PDE4D: variants seen among roughly 807,000 people sequenced by gnomAD.
PDE4D encodes the protein 3',5'-cyclic-AMP phosphodiesterase 4D.
A neutral mutation model predicts 87.4 loss-of-function variants in PDE4D; 24 were observed. That is an observed-to-expected ratio of 0.27 (90% CI 0.20 to 0.39). PDE4D has a LOEUF of 0.39. Ranked by LOEUF, PDE4D falls within the 10% of genes least tolerant of loss-of-function variation. PDE4D has a pLI of 1.00. For synonymous variants in PDE4D, 384 were observed against 383.2 expected (o/e 1.00, Z -0.02); for missense variants, 714 against 1,041.0 (o/e 0.69, Z 4.32).
chr5:59,278,435 G>A (rs955647282), intron 1 of PDE4D, among the ~76,000 whole-genome samples: 2 of 152,060 alleles, frequency 1.3e-5, no homozygotes, highest in African/African-American at 2.4e-5. Context: ...CTGTTGTACT[G>A]AATTGTATAA....
intron 1 of PDE4D, among the ~76,000 whole-genome samples, chr5:59,682,748 G>A (rs1675022351): frequency 6.6e-6 from 1 of 152,006 alleles, no homozygotes; most frequent in Non-Finnish European, 1.5e-5. Flanking sequence ...CAGATCATGG[G>A]ATTTCTCAGC....
chr5:60,200,317 T>C lies in PDE4D; in HGVS notation c.-89-14630A>G, dbSNP rs969778397. Among the ~76,000 whole-genome samples, 133 of 151,626 alleles carry C rather than the reference T, an allele frequency of 8.8e-4. 4 individuals are homozygous for C. The highest frequency in any genetic ancestry group is 3.0e-3 in the African/African-American group (126 of 41,404). On this transcript the variant is annotated intron_variant, in intron 1 of 16. Transcript: ENST00000502484. ...ATAAATCCAGGATATGTATGTTTTC[T>C]CCTGCACCCAGAAGTTATTTTATGT...
At chr5:59,200,112 C>CAAT (rs1561688929) in intron 2 of PDE4D, among the ~76,000 whole-genome samples, 3 of 147,268 alleles carry the variant, frequency 2.0e-5, no homozygotes, top group Non-Finnish European at 4.4e-5. Flanking sequence ...TGTATGCACA[C>CAAT]ACATACATGC....
intron 2 of PDE4D, among the ~76,000 whole-genome samples, chr5:59,198,334 T>C (rs1247948169): frequency 6.6e-5 from 10 of 152,320 alleles, no homozygotes; most frequent in African/African-American, 2.2e-4. Context: ...TATGCACACA[T>C]GTATACATGT....
intron 1 of PDE4D, among the ~76,000 whole-genome samples, chr5:60,346,078 T>C (rs1758725644): frequency 6.6e-6 from 1 of 152,184 alleles, no homozygotes; most frequent in South Asian, 2.1e-4. Flanking sequence ...CTTCTACTTA[T>C]TTTATTTGGG....
At chr5:59,406,969 T>A (rs1024495125) in intron 1 of PDE4D, among the ~76,000 whole-genome samples, 3 of 152,210 alleles carry the variant, frequency 2.0e-5, no homozygotes, top group African/African-American at 7.2e-5. Context: ...GAGACTTGGC[T>A]ATCTATTCAT....
chr5:59,757,531 T>C (rs968234272), intron 1 of PDE4D, among the ~76,000 whole-genome samples: 3 of 152,106 alleles, frequency 2.0e-5, no homozygotes, highest in African/African-American at 4.8e-5. Context: ...TGGAAGGATA[T>C]TGTTTTGAGG....
intron 1 of PDE4D, among the ~76,000 whole-genome samples, chr5:60,278,397 T>G (rs1257531118): frequency 6.6e-6 from 1 of 152,150 alleles, no homozygotes; most frequent in East Asian, 1.9e-4. Context: ...TTTCTTTGGG[T>G]TTATCCTGTT....
intron 1 of PDE4D, among the ~76,000 whole-genome samples, chr5:59,796,166 C>G (rs538008160): frequency 6.6e-6 from 1 of 152,094 alleles, no homozygotes; most frequent in African/African-American, 2.4e-5. Context: ...GTCAAAAGAT[C>G]AGGGAGGAAG....
intron 1 of PDE4D, among the ~76,000 whole-genome samples, chr5:59,348,573 ATTTC>A (rs895091498): frequency 5.7e-5 from 8 of 139,280 alleles, no homozygotes; most frequent in Non-Finnish European, 9.3e-5. Flanking sequence ...TATAGAGTTT[ATTTC>A]TTTAGCTCAA....
intron 1 of PDE4D, among the ~76,000 whole-genome samples, chr5:59,326,557 T>C (rs1393779041): frequency 6.6e-6 from 1 of 152,124 alleles, no homozygotes; most frequent in Non-Finnish European, 1.5e-5. Flanking sequence ...ATAATTTCAC[T>C]GACTTTTAAA....
At chr5:60,474,086 C>G (rs1748077931) in intron 1 of PDE4D, among the ~76,000 whole-genome samples, 1 of 124,918 alleles carries the variant, frequency 8.0e-6, no homozygotes, top group East Asian at 2.6e-4. Flanking sequence ...GGCTTACTGT[C>G]TCAGTCCCTT....
intron 1 of PDE4D, among the ~76,000 whole-genome samples, chr5:60,239,531 T>C (rs769472187): frequency 3.3e-5 from 5 of 152,162 alleles, no homozygotes; most frequent in Admixed American, 6.6e-5. Flanking sequence ...ACAGAAAGAA[T>C]TGAAATCTTT....
Position 60,201,863 on chromosome 5 carries a change from T to C in PDE4D, c.-89-16176A>G, listed in dbSNP as rs2149547311. Among the ~76,000 whole-genome samples, 2 of 152,316 alleles carry C rather than the reference T, an allele frequency of 1.3e-5. 1 individual carries two copies. The highest frequency in any genetic ancestry group is 4.1e-4 in the South Asian group (2 of 4,830). ...AACAGAAACACCAAAGAGATACAAC[T>C]ATACATAAGAATTTGATATTTGACA... On this transcript the variant is annotated intron_variant, in intron 1 of 16. Transcript: ENST00000502484.
At chr5:59,934,483 C>T (rs1185536301) in intron 3 of PDE4D, among the ~76,000 whole-genome samples, 1 of 152,078 alleles carries the variant, frequency 6.6e-6, no homozygotes, top group Non-Finnish European at 1.5e-5. Context: ...CTGCATAATC[C>T]CCAAAACTTT....
intron 6 of PDE4D, among the ~76,000 whole-genome samples, chr5:59,014,066 T>C (rs1753439135): frequency 2.0e-5 from 3 of 152,212 alleles, no homozygotes. Flanking sequence ...TCTCAATAGA[T>C]GCAGAAAAGG....
At chr5:59,363,120 T>G (rs1196469248) in intron 1 of PDE4D, among the ~76,000 whole-genome samples, 1 of 152,212 alleles carries the variant, frequency 6.6e-6, no homozygotes, top group Non-Finnish European at 1.5e-5. Flanking sequence ...TATTTGGTGT[T>G]TATTCTGTGG....
intron 6 of PDE4D, among the ~76,000 whole-genome samples, chr5:59,003,774 A>G (rs1290262525): frequency 2.0e-5 from 3 of 152,164 alleles, no homozygotes; most frequent in Non-Finnish European, 4.4e-5. Flanking sequence ...AAGAAAGGAA[A>G]CAAGCCATGT....
chr5:59,552,081 T>C (rs1365757391), intron 1 of PDE4D, among the ~76,000 whole-genome samples: 2 of 151,756 alleles, frequency 1.3e-5, no homozygotes, highest in Non-Finnish European at 1.5e-5. Flanking sequence ...TGTCCAGGGG[T>C]GGTGGTGGAT....
Sources: allele counts gnomAD v4.1 joint callset (sites outside exome capture counted in the v4.1 genomes callset), GRCh38; gene constraint gnomAD v4.1.1; transcripts MANE v1.5; gene names NCBI Gene and HGNC (gene_info 2026-07-23, HGNC 2026-07-21).